Variants in ANXA8 observed in about 807,000 individuals in gnomAD.
The protein encoded by ANXA8 is VAC-beta.
In ANXA8, 9 loss-of-function variants were observed where a neutral mutation model predicts 26.8. That is an observed-to-expected ratio of 0.34 (90% CI 0.20 to 0.59). ANXA8 has a LOEUF of 0.59. ANXA8 is among the 20% of genes least tolerant of loss of function. The pLI is 0.84. For synonymous variants in ANXA8, 39 were observed against 94.8 expected (o/e 0.41, Z 3.42); for missense variants, 83 against 238.5 (o/e 0.35, Z 4.29).
chr10:47,575,223 G>A, the ANXA8 span, among the ~76,000 whole-genome samples: 8 of 133,946 alleles, frequency 6.0e-5, no homozygotes, highest in Admixed American at 1.5e-4. Context: ...AAAAAAGAAA[G>A]AAAGCAAGCA....
chr10:47,901,406 G>A, the ANXA8 span, among the ~76,000 whole-genome samples: 22 of 66,134 alleles, frequency 3.3e-4, 1 homozygote, highest in Admixed American at 2.8e-3. Context: ...ACAGATTTTA[G>A]AATTAAAAAT....
At chr10:47,515,784 G>A in the ANXA8 span, among the ~76,000 whole-genome samples, 415 of 116,984 alleles carry the variant, frequency 3.5e-3, no homozygotes, top group Admixed American at 5.2e-3. Flanking sequence ...AATGTCTTCA[G>A]TAAAGATCCC....
the ANXA8 span, among the ~76,000 whole-genome samples, chr10:47,527,493 TAGAA>T: frequency 2.1e-5 from 3 of 144,876 alleles, no homozygotes; most frequent in Non-Finnish European, 4.5e-5. Flanking sequence ...TGTGAGTTGT[TAGAA>T]AGGAGATGAT....
At chr10:47,932,777 C>A in the ANXA8 span, among the ~76,000 whole-genome samples, 59 of 82,464 alleles carry the variant, frequency 7.2e-4, 16 homozygotes, top group African/African-American at 2.6e-3. Flanking sequence ...GAAGATACAT[C>A]AGGGAGATGT....
chr10:47,951,812 A>AG, the ANXA8 span, among the ~76,000 whole-genome samples: 2 of 12,000 alleles, frequency 1.7e-4, no homozygotes, highest in Admixed American at 2.3e-3. Flanking sequence ...CTCTGTCTCC[A>AG]AAAAAAAAAA....
the ANXA8 span, among the ~76,000 whole-genome samples, chr10:47,643,909 A>C: frequency 1.7e-5 from 1 of 60,202 alleles, no homozygotes; most frequent in Non-Finnish European, 2.9e-5. Flanking sequence ...GTACTTGCTG[A>C]TTTAGAGTCA....
At chr10:47,975,758 G>T in the ANXA8 span, among the ~76,000 whole-genome samples, 1 of 149,784 alleles carries the variant, frequency 6.7e-6, no homozygotes, top group Non-Finnish European at 1.5e-5. Context: ...ACACAGACAC[G>T]CCTCTAAACT....
the ANXA8 span, among the ~76,000 whole-genome samples, chr10:47,603,187 T>C: frequency 4.1e-5 from 6 of 145,210 alleles, no homozygotes; most frequent in Non-Finnish European, 7.4e-5. Context: ...TATGGTAAAA[T>C]AGGAAACTAA....
upstream of ANXA8, among the ~76,000 whole-genome samples, chr10:47,485,423 G>A (rs1840017055): frequency 1.3e-5 from 2 of 151,960 alleles, no homozygotes; most frequent in African/African-American, 2.4e-5. Context: ...AAAGTCATCA[G>A]GAACCAAACC....
the ANXA8 span, among the ~76,000 whole-genome samples, chr10:47,695,242 A>G: frequency 1.3e-5 from 2 of 151,728 alleles, no homozygotes; most frequent in Non-Finnish European, 1.5e-5. Context: ...GCCTGAACTC[A>G]TTAATGCTCT....
chr10:47,483,098 C>T (rs1390572070), intron 1 of ANXA8, among the ~76,000 whole-genome samples: 3 of 151,608 alleles, frequency 2.0e-5, no homozygotes, highest in Admixed American at 1.3e-4. Context: ...CTTAGCACAG[C>T]GATGGCCTCA....
the ANXA8 span, among the ~76,000 whole-genome samples, chr10:47,493,741 C>T: frequency 6.6e-6 from 1 of 150,808 alleles, no homozygotes; most frequent in African/African-American, 2.5e-5. Context: ...TTCCCCCCAC[C>T]CCCTCCACAT....
At chr10:47,980,444 A>G in the ANXA8 span, among the ~76,000 whole-genome samples, 7 of 151,614 alleles carry the variant, frequency 4.6e-5, no homozygotes, top group Non-Finnish European at 1.0e-4. Context: ...ATAAAACGGA[A>G]TAGAAAAAAC....
the ANXA8 span, among the ~76,000 whole-genome samples, chr10:47,693,196 C>T: frequency 6.6e-6 from 1 of 151,426 alleles, no homozygotes; most frequent in Admixed American, 6.6e-5. Flanking sequence ...AAGAAAACTT[C>T]GAAGCAATAT....
the ANXA8 span, among the ~76,000 whole-genome samples, chr10:47,955,290 T>G: frequency 1.4e-5 from 2 of 143,034 alleles, no homozygotes; most frequent in African/African-American, 5.4e-5. Flanking sequence ...TTTTTTTTTG[T>G]AAATTGCCCA....
chr10:47,525,355 A>T, the ANXA8 span, among the ~76,000 whole-genome samples: 1 of 141,242 alleles, frequency 7.1e-6, no homozygotes, highest in Non-Finnish European at 1.5e-5. Flanking sequence ...GCAGTGAGCC[A>T]AGATCGTGCC....
At chr10:47,980,500 A>C in the ANXA8 span, among the ~76,000 whole-genome samples, 1 of 151,878 alleles carries the variant, frequency 6.6e-6, no homozygotes. Flanking sequence ...AAAGAGCAAT[A>C]AAATTAGTAA....
the ANXA8 span, among the ~76,000 whole-genome samples, chr10:47,745,819 A>G: frequency 2.0e-5 from 3 of 146,612 alleles, no homozygotes; most frequent in Non-Finnish European, 4.5e-5. Context: ...CCCTCAGGAA[A>G]AAGATATCAT....
the ANXA8 span, among the ~76,000 whole-genome samples, chr10:47,582,037 G>A: frequency 6.7e-5 from 10 of 150,086 alleles, no homozygotes; most frequent in Admixed American, 6.6e-4. Context: ...GACACAACAA[G>A]GGTGTATGCC....
Sources: gnomAD v4.1 joint callset for allele counts (sites outside exome capture counted in the v4.1 genomes callset) on GRCh38, gnomAD v4.1.1 for gene constraint, MANE v1.5 for transcripts, NCBI Gene and HGNC (gene_info 2026-07-23, HGNC 2026-07-21) for gene names.